FHIT: variants seen among roughly 807,000 people sequenced by gnomAD.
The protein encoded by FHIT is bis(5'-adenosyl)-triphosphatase.
A neutral mutation model predicts 17.9 loss-of-function variants in FHIT; 19 were observed. That is an observed-to-expected ratio of 1.06 (90% confidence interval 0.74 to 1.56). The LOEUF (loss-of-function observed/expected upper bound fraction) is 1.56, where lower values mean the gene tolerates loss of function less well. Among genes scored for constraint, FHIT ranks in the 40% most tolerant of loss-of-function variants. FHIT has a pLI of 0.00. For synonymous variants in FHIT, 81 were observed against 69.7 expected (o/e 1.16, Z -0.81); for missense variants, 248 against 189.2 (o/e 1.31, Z -1.82).
chr3:61,112,097 CG>C (rs1241833011), intron 2 of FHIT, among the ~76,000 whole-genome samples: 1 of 152,042 alleles, frequency 6.6e-6, no homozygotes, highest in Non-Finnish European at 1.5e-5. Flanking sequence ...TAGGAGGTGG[CG>C]GGGCCAAAAT....
chr3:60,911,983 A>G (rs1706766770), intron 3 of FHIT, among the ~76,000 whole-genome samples: 1 of 152,042 alleles, frequency 6.6e-6, no homozygotes. Context: ...GAATGTTGCT[A>G]TAAAAAAATT....
intron 3 of FHIT, among the ~76,000 whole-genome samples, chr3:60,925,798 G>A (rs1359893868): frequency 6.6e-6 from 1 of 152,146 alleles, no homozygotes; most frequent in Admixed American, 6.5e-5. Flanking sequence ...CCATCAGTGT[G>A]CTGTATTCAG....
At chr3:61,235,738 A>C (rs1422070046) in intron 1 of FHIT, among the ~76,000 whole-genome samples, 1 of 152,170 alleles carries the variant, frequency 6.6e-6, no homozygotes, top group Non-Finnish European at 1.5e-5. Flanking sequence ...CAGATACTTG[A>C]CTTTTAAATG....
chr3:61,215,429 A>G (rs1229030026), intron 1 of FHIT, among the ~76,000 whole-genome samples: 15 of 152,094 alleles, frequency 9.9e-5, no homozygotes, highest in Admixed American at 8.5e-4. Flanking sequence ...TAGGAATCCA[A>G]CTTACAAGGG....
At chr3:60,027,148 C>CA (rs57414828) in intron 5 of FHIT, among the ~76,000 whole-genome samples, 4 of 125,748 alleles carry the variant, frequency 3.2e-5, no homozygotes, top group South Asian at 2.8e-4. Context: ...CACACACACA[C>CA]AAAATTAGTA....
rs540701143 is a variant in FHIT, at chr3:60,240,195, C to G, written c.104-226043G>C. Among the ~76,000 whole-genome samples, 15 of 152,164 alleles carry G rather than the reference C, an allele frequency of 9.9e-5. No homozygotes were observed. The South Asian group carries it at 2.9e-3, about 29-fold the overall frequency. ...GTTACTGGAAACTATAAAATGGGTT[C>G]CAGTCAACAAAAGCCATTGGACTGC... On this transcript the variant is annotated intron_variant, in intron 5 of 9. Transcript: ENST00000492590.
Position 61,130,241 on chromosome 3 carries a change from G to C in FHIT, c.-164+70376C>G, listed in dbSNP as rs551849879. On this transcript the variant is annotated intron_variant, in intron 2 of 9. Coordinates refer to ENST00000492590, the MANE Select transcript of FHIT (RefSeq NM_002012.4). Reference sequence around the variant, plus strand: ...AACGTCTGCTACCTAAGAATGTCCAGGGAAAACTTCCTTTGCAAAAAGAAC... The same window carrying C: ...AACGTCTGCTACCTAAGAATGTCCACGGAAAACTTCCTTTGCAAAAAGAAC... Among the ~76,000 whole-genome samples, 207 of 152,314 alleles carry C rather than the reference G, an allele frequency of 1.4e-3. 1 individual carries two copies. The highest frequency in any genetic ancestry group is 4.9e-3 in the African/African-American group (203 of 41,562).
At chr3:60,910,326 A>G (rs1356115402) in intron 3 of FHIT, among the ~76,000 whole-genome samples, 1 of 152,034 alleles carries the variant, frequency 6.6e-6, no homozygotes, top group Non-Finnish European at 1.5e-5. Context: ...GACCACATGG[A>G]GAAGAGGAGG....
intron 5 of FHIT, among the ~76,000 whole-genome samples, chr3:60,526,901 G>A (rs1282451783): frequency 6.6e-6 from 1 of 151,582 alleles, no homozygotes; most frequent in African/African-American, 2.4e-5. Context: ...TATTCCAGAA[G>A]AGGGAAGAAG....
intron 5 of FHIT, among the ~76,000 whole-genome samples, chr3:60,496,417 T>C (rs1404970390): frequency 6.6e-6 from 1 of 152,174 alleles, no homozygotes; most frequent in Non-Finnish European, 1.5e-5. Context: ...CACTGGATAA[T>C]TGGAGAAATG....
At chr3:60,757,871 T>C (rs1179294197) in intron 4 of FHIT, among the ~76,000 whole-genome samples, 2 of 152,148 alleles carry the variant, frequency 1.3e-5, no homozygotes, top group Non-Finnish European at 2.9e-5. Context: ...GGAAGACTAG[T>C]CTAGAGTTTG....
At chr3:59,799,446 C>T (rs540893810) in intron 8 of FHIT, among the ~76,000 whole-genome samples, 2 of 152,110 alleles carry the variant, frequency 1.3e-5, no homozygotes, top group South Asian at 4.2e-4. Flanking sequence ...ACTCCCCTAA[C>T]AGGGATGGAA....
chr3:60,881,651 C>A (rs1193970547), intron 3 of FHIT, among the ~76,000 whole-genome samples: 1 of 151,956 alleles, frequency 6.6e-6, no homozygotes, highest in Non-Finnish European at 1.5e-5. Context: ...TCTATGAATA[C>A]AACATGCTCC....
chr3:60,351,939 G>C (rs1396213406), intron 5 of FHIT, among the ~76,000 whole-genome samples: 1 of 152,154 alleles, frequency 6.6e-6, no homozygotes, highest in African/African-American at 2.4e-5. Context: ...TCTTTGATAA[G>C]TTTGTTCCTC....
At chr3:61,009,626 A>T (rs2031674858) in intron 3 of FHIT, among the ~76,000 whole-genome samples, 1 of 152,190 alleles carries the variant, frequency 6.6e-6, no homozygotes, top group Non-Finnish European at 1.5e-5. Flanking sequence ...AGTGCTTCCT[A>T]ACAATCTCAC....
chr3:59,922,527 T>C lies in FHIT; in HGVS notation c.280-113A>G, dbSNP rs1705459226. 8 of 852,070 alleles carry C rather than the reference T, an allele frequency of 9.4e-6. 1 individual carries two copies. The highest frequency in any genetic ancestry group is 4.7e-4 in the Middle Eastern group (2 of 4,222). The allele number at this position is 852,070 out of a possible 1,614,324, so 52.8% of individuals were successfully genotyped here. ...CTCCACGATGGTTCCTGCTGGGTTATTTTTCAGAGGAAGTTGATATCCACC... is the reference window on the plus strand; with the variant it reads ...CTCCACGATGGTTCCTGCTGGGTTACTTTTCAGAGGAAGTTGATATCCACC... On this transcript the variant is annotated intron_variant, in intron 7 of 9. Coordinates refer to ENST00000492590, the MANE Select transcript of FHIT (RefSeq NM_002012.4).
At chr3:59,876,472 T>A (rs113109309) in intron 8 of FHIT, among the ~76,000 whole-genome samples, 7,672 of 152,010 alleles carry the variant, frequency 0.05, 249 homozygotes, top group Non-Finnish European at 0.072. Flanking sequence ...CCCCAGCCCC[T>A]GCTGCTGTGG....
chr3:60,081,295 G>C (rs1014027409), intron 5 of FHIT, among the ~76,000 whole-genome samples: 2 of 152,030 alleles, frequency 1.3e-5, no homozygotes, highest in Non-Finnish European at 2.9e-5. Context: ...TAAAATTTAA[G>C]ATCAGACCAC....
At chr3:60,375,593 G>C (rs180702731) in intron 5 of FHIT, among the ~76,000 whole-genome samples, 176 of 152,044 alleles carry the variant, frequency 1.2e-3, no homozygotes, top group Middle Eastern at 3.4e-3. Context: ...AATATATATT[G>C]AAAGTATAAA....
Sources: allele counts gnomAD v4.1 joint callset (sites outside exome capture counted in the v4.1 genomes callset), GRCh38; gene constraint gnomAD v4.1.1; transcripts MANE v1.5; gene names NCBI Gene and HGNC (gene_info 2026-07-23, HGNC 2026-07-21).